Variants in TBC1D19 observed in about 807,000 individuals in gnomAD.
TBC1D19 encodes the protein TBC1 domain family, member 19.
TBC1D19 carries 60 observed loss-of-function variants against 89.0 expected under a neutral mutation model. That is an observed-to-expected ratio of 0.67 (90% CI 0.55 to 0.84). The LOEUF (loss-of-function observed/expected upper bound fraction) is 0.84, where lower values mean the gene tolerates loss of function less well. TBC1D19 is among the 40% of genes least tolerant of loss of function. The pLI is 0.00. For missense variants in TBC1D19, 500 were observed against 610.8 expected (o/e 0.82, Z 1.91); for synonymous variants, 189 against 199.7 (o/e 0.95, Z 0.45).
At chr4:26,735,259 A>G (rs1717974378) in intron 15 of TBC1D19, among the ~76,000 whole-genome samples, 196 bp from the exon 16 acceptor site, 1 of 151,754 alleles carries the variant, frequency 6.6e-6, no homozygotes, top group Admixed American at 6.6e-5. Context: ...ATATGTTTTA[A>G]AGCCTCTAGT....
chr4:26,703,493 T>C (rs975914699), intron 13 of TBC1D19, among the ~76,000 whole-genome samples: 12 of 152,198 alleles, frequency 7.9e-5, no homozygotes, highest in Non-Finnish European at 1.6e-4. Context: ...ACACAGTTGC[T>C]GTATAGGAAA....
chr4:26,809,794 G>T, the TBC1D19 span, among the ~76,000 whole-genome samples: 1 of 152,178 alleles, frequency 6.6e-6, no homozygotes, highest in Non-Finnish European at 1.5e-5. Context: ...CCAAGCCTCT[G>T]TGAATCGTCC....
intron 15 of TBC1D19, among the ~76,000 whole-genome samples, chr4:26,734,406 C>A (rs1560503356): frequency 6.6e-6 from 1 of 152,036 alleles, no homozygotes; most frequent in Non-Finnish European, 1.5e-5. Context: ...GTGTTTGCAA[C>A]CTGATTTAGT....
At chr4:26,685,351 T>C (rs1418021317) in intron 12 of TBC1D19, among the ~76,000 whole-genome samples, 4 of 152,188 alleles carry the variant, frequency 2.6e-5, no homozygotes, top group Non-Finnish European at 4.4e-5. Context: ...CAGCAGCAGC[T>C]GAGCTGAAGA....
intron 15 of TBC1D19, 80 bp from the exon 16 acceptor site, chr4:26,735,375 G>C (rs936076681): frequency 1.0e-5 from 12 of 1,181,966 alleles, no homozygotes; most frequent in Non-Finnish European, 1.4e-5. Flanking sequence ...CCTTTTTATT[G>C]TCAGTTTTAA....
rs1409344213 is a variant in TBC1D19, at chr4:26,577,648, TG to T, written c.6+853del. Among the ~76,000 whole-genome samples, 3 of 152,002 alleles carry T rather than the reference TG, an allele frequency of 2.0e-5. No individual in the cohort carries two copies. In the East Asian group the frequency reaches 5.8e-4, roughly 29 times the overall value. The stretch of plus-strand genomic sequence containing the variant: ...AGGTAGAGGTAATTCTAGGAAACAC[TG>T]GTAGGGGAGTGGGGAAGTGAGACAG... On this transcript the variant is annotated intron_variant, in intron 1 of 12. Transcript: ENST00000512840.
downstream of TBC1D19, among the ~76,000 whole-genome samples, chr4:26,758,602 C>T (rs963346106): frequency 6.6e-6 from 1 of 152,116 alleles, no homozygotes; most frequent in African/African-American, 2.4e-5. Context: ...TTTAATCTTT[C>T]AGGGAAGCTG....
At chr4:26,752,268 G>A (rs533267717) in intron 19 of TBC1D19, among the ~76,000 whole-genome samples, 10 of 132,198 alleles carry the variant, frequency 7.6e-5, no homozygotes, top group Non-Finnish European at 1.1e-4. Context: ...TTTTTGAGAC[G>A]AGGTCTTGCT....
the TBC1D19 span, among the ~76,000 whole-genome samples, chr4:26,792,127 A>G: frequency 6.6e-6 from 1 of 152,084 alleles, no homozygotes; most frequent in African/African-American, 2.4e-5. Context: ...GTATTCCAGA[A>G]GAGGTTTATG....
the TBC1D19 span, among the ~76,000 whole-genome samples, chr4:26,854,256 G>T: frequency 1.3e-5 from 2 of 152,184 alleles, no homozygotes; most frequent in Non-Finnish European, 2.9e-5. Flanking sequence ...ATAAATAAAA[G>T]AAATACATAT....
Position 26,640,143 on chromosome 4 carries a change from T to G in TBC1D19, c.436T>G (p.Leu146Val). 1 of 1,607,478 alleles carries G rather than the reference T, an allele frequency of 6.2e-7. No individual in the cohort carries two copies. Among genetic ancestry groups the G allele is most frequent in the Non-Finnish European group, 8.5e-7 (1 of 1,175,304 alleles). Residue 146 changes from leucine to valine, a missense_variant and splice_region_variant, in exon 7 of 21, where the codon TTA (leucine) becomes GTA (valine). Around this residue, in one of 2 missense-constraint regions of TBC1D19, gnomAD observed 280 missense variants for 291.7 expected, o/e 0.96. Coordinates refer to ENST00000264866, the MANE Select transcript of TBC1D19 (RefSeq NM_018317.4). ...GTTTATAATCTATCTTATTCTAGAT[T>G]TAAGCCTTTTCAGACCTGTTTATGC... ...WNEMGTDEPD[L>V]SLFRPVYAPK...
chr4:26,658,758 C>T (rs1194032241), intron 7 of TBC1D19, among the ~76,000 whole-genome samples: 2 of 152,160 alleles, frequency 1.3e-5, no homozygotes, highest in Non-Finnish European at 2.9e-5. Flanking sequence ...TCTCTTATTT[C>T]GTTGAGCAGT....
chr4:26,788,993 C>G, the TBC1D19 span, among the ~76,000 whole-genome samples: 2 of 152,150 alleles, frequency 1.3e-5, no homozygotes, highest in East Asian at 3.8e-4. Context: ...TCATTGTTAC[C>G]TTTTTTTCCC....
chr4:26,675,146 TAGA>T (rs1037539336), intron 11 of TBC1D19, among the ~76,000 whole-genome samples: 13 of 152,182 alleles, frequency 8.5e-5, no homozygotes, highest in African/African-American at 3.1e-4. Context: ...TCAATTCTTG[TAGA>T]AGAAGATACA....
At chr4:26,831,591 CT>C in the TBC1D19 span, among the ~76,000 whole-genome samples, 818 of 99,822 alleles carry the variant, frequency 8.2e-3, 4 homozygotes, top group African/African-American at 0.036. Flanking sequence ...TTTTTTTTTT[CT>C]TTTTTTTTTT....
intron 4 of TBC1D19, among the ~76,000 whole-genome samples, chr4:26,627,733 G>A (rs906391380): frequency 2.0e-5 from 3 of 152,006 alleles, no homozygotes; most frequent in African/African-American, 7.3e-5. Context: ...TTTTTGATGG[G>A]GTTGTTTTTT....
chr4:26,839,903 C>T, the TBC1D19 span, among the ~76,000 whole-genome samples: 2 of 152,188 alleles, frequency 1.3e-5, no homozygotes, highest in Non-Finnish European at 1.5e-5. Context: ...CACAGGAAGC[C>T]TGTCCAACTG....
chr4:26,661,154 A>G (rs186737844), intron 8 of TBC1D19, among the ~76,000 whole-genome samples: 223 of 152,246 alleles, frequency 1.5e-3, no homozygotes, highest in Non-Finnish European at 2.3e-3. Flanking sequence ...TCCCCCACAG[A>G]AGACCAGAGG....
rs373233977 is a variant in TBC1D19, at chr4:26,692,784, C to G, written c.954+4377C>G. Among the ~76,000 whole-genome samples the G allele has an allele frequency of 9.9e-5, 15 of 152,226 alleles. No individual in the cohort carries two copies. The East Asian group carries it at 2.5e-3, about 25-fold the overall frequency. On this transcript the variant is annotated intron_variant, in intron 13 of 20. Transcript: ENST00000264866. ...GGATAGGACAAACCTCAAAGACTGGCCACAAAAATGACCTCACAAAGGACC... is the reference window on the plus strand; with the variant it reads ...GGATAGGACAAACCTCAAAGACTGGGCACAAAAATGACCTCACAAAGGACC...
Sources: allele counts gnomAD v4.1 joint callset (sites outside exome capture counted in the v4.1 genomes callset), GRCh38; gene constraint gnomAD v4.1.1; regional missense constraint gnomAD v4.1.1; transcripts MANE v1.5; gene names NCBI Gene and HGNC (gene_info 2026-07-23, HGNC 2026-07-21).